Variants in CHD7 observed in about 807,000 individuals in gnomAD.
CHD7 encodes the protein ATP-dependent chromatin remodeler CHD7.
In CHD7, 24 loss-of-function variants were observed where a neutral mutation model predicts 307.3. The observed-to-expected ratio is 0.08, with a 90% confidence interval of 0.06 to 0.11. The LOEUF (loss-of-function observed/expected upper bound fraction) is 0.11. Ranked by LOEUF, CHD7 falls within the 10% of genes least tolerant of loss-of-function variation. The pLI, the probability that CHD7 is intolerant of heterozygous loss-of-function variation, is 1.00. For synonymous variants in CHD7, 1,363 were observed against 1,349.9 expected (o/e 1.01, Z -0.21); for missense variants, 3,106 against 3,727.1 (o/e 0.83, Z 4.34).
chr8:60,701,573 T>C (rs1276841122), intron 1 of CHD7, among the ~76,000 whole-genome samples: 1 of 152,248 alleles, frequency 6.6e-6, no homozygotes, highest in Non-Finnish European at 1.5e-5. Flanking sequence ...ATCATAGTTC[T>C]TTCTTTTATG....
At chr8:60,737,234 A>G (rs937618613) in intron 1 of CHD7, among the ~76,000 whole-genome samples, 1 of 152,180 alleles carries the variant, frequency 6.6e-6, no homozygotes, top group African/African-American at 2.4e-5. Flanking sequence ...TAAAAGTTAT[A>G]TATAGTATGA....
Position 60,865,310 on chromosome 8 carries a change from A to T in CHD7, c.8371A>T (p.Asn2791Tyr), listed in dbSNP as rs1448865643. 6.2e-7 allele frequency: 1 copy of T among 1,611,764 alleles called. No individual in the cohort carries two copies. The highest frequency in any genetic ancestry group is 8.5e-7 in the Non-Finnish European group (1 of 1,179,144). ...TAATAGGDAK[N>Y]PAAVLPLMLP... ...TGCCACCGCCGGAGGCGATGCGAAG[A>T]ACCCTGCTGCTGTGCTGCCCCTGAT... Residue 2791 changes from asparagine (N) to tyrosine (Y), a missense_variant, in exon 38 of 38, where the codon AAC (asparagine) becomes TAC (tyrosine). By Grantham distance (143) the Asn-to-Tyr change is moderately radical. Coordinates refer to ENST00000423902, the MANE Select transcript of CHD7 (RefSeq NM_017780.4). This position sits in a 1 kb window ranked among gnomAD's most constrained non-coding sequence, Gnocchi z 4.3.
At chr8:60,855,585 C>T (rs962778473) in intron 32 of CHD7, among the ~76,000 whole-genome samples, 5 of 152,222 alleles carry the variant, frequency 3.3e-5, no homozygotes, top group Non-Finnish European at 7.3e-5. Flanking sequence ...CGGCAAGAAG[C>T]TAATGCAGGG....
At chr8:60,713,926 T>A (rs1045383647) in intron 1 of CHD7, among the ~76,000 whole-genome samples, 4 of 152,088 alleles carry the variant, frequency 2.6e-5, no homozygotes, top group African/African-American at 9.7e-5. Context: ...CTCCTCCCGC[T>A]CCCACTCCCA....
At chr8:60,830,670 G>A in intron 15 of CHD7, 93 bp downstream of exon 15, 1 of 1,380,594 alleles carries the variant, frequency 7.2e-7, no homozygotes, top group Non-Finnish European at 9.9e-7. Flanking sequence ...ATGGTGTATA[G>A]TCATTCCTGT....
chr8:60,764,165 A>G (rs1210774082), intron 2 of CHD7, among the ~76,000 whole-genome samples: 2 of 151,700 alleles, frequency 1.3e-5, no homozygotes, highest in Non-Finnish European at 2.9e-5. Context: ...TTTTTTTTGT[A>G]TTTTTAGTAG....
intron 3 of CHD7, among the ~76,000 whole-genome samples, chr8:60,784,648 A>G (rs1403736230): frequency 1.3e-5 from 2 of 152,150 alleles, no homozygotes; most frequent in African/African-American, 4.8e-5. Flanking sequence ...CTGGCACCCC[A>G]TCTTGTTCTG....
At chr8:60,689,740 C>T (rs1563517171) in intron 1 of CHD7, among the ~76,000 whole-genome samples, 1 of 152,316 alleles carries the variant, frequency 6.6e-6, no homozygotes. Context: ...TGTATCTTAT[C>T]AATGGCAGAC....
intron 23 of CHD7, 150 bp downstream of exon 23, chr8:60,845,559 T>C: frequency 1.2e-6 from 1 of 816,838 alleles, no homozygotes; most frequent in Non-Finnish European, 1.9e-6. Context: ...TCTTGGTGTC[T>C]GAGGGGGGTC....
At chr8:60,794,448 A>G (rs1378627330) in intron 3 of CHD7, among the ~76,000 whole-genome samples, 1 of 152,254 alleles carries the variant, frequency 6.6e-6, no homozygotes, top group Non-Finnish European at 1.5e-5. Context: ...CACAGTACCT[A>G]CTAAAATTAT....
intron 13 of CHD7, chr8:60,824,753 T>C (rs1804190692): frequency 6.6e-6 from 1 of 152,202 alleles, no homozygotes; most frequent in South Asian, 2.1e-4. Flanking sequence ...TCCCATAGTC[T>C]TCCAGCTTCC....
intron 2 of CHD7, among the ~76,000 whole-genome samples, chr8:60,748,469 C>T (rs1809445226): frequency 6.6e-6 from 1 of 152,110 alleles, no homozygotes; most frequent in South Asian, 2.1e-4. Context: ...GACACAGCAC[C>T]ATGGGGCTCT....
intron 31 of CHD7, among the ~76,000 whole-genome samples, chr8:60,854,030 C>A (rs1338740682): frequency 6.6e-6 from 1 of 152,198 alleles, no homozygotes; most frequent in South Asian, 2.1e-4. Context: ...GACAGAAGGT[C>A]AGCCCTTTTT....
intron 31 of CHD7, 141 bp downstream of exon 31, chr8:60,853,641 T>C (rs1032330237): frequency 6.3e-6 from 4 of 639,032 alleles, no homozygotes; most frequent in African/African-American, 3.6e-5. Flanking sequence ...TTTCAAGTTA[T>C]GCTTATATCT....
intron 1 of CHD7, among the ~76,000 whole-genome samples, chr8:60,689,618 A>G (rs1335771353): frequency 2.0e-5 from 3 of 152,232 alleles, no homozygotes; most frequent in Non-Finnish European, 4.4e-5. Flanking sequence ...AACAACAAAC[A>G]TCATGATCTT....
chr8:60,851,133 A>G (rs781079931), intron 27 of CHD7, 29 bp downstream of exon 27: 5 of 1,522,454 alleles, frequency 3.3e-6, no homozygotes, highest in Non-Finnish European at 4.5e-6. Context: ...TGGCTTTTAT[A>G]GCTCCATTAA....
chr8:60,690,808 G>T (rs1806156857), intron 1 of CHD7, among the ~76,000 whole-genome samples: 1 of 152,170 alleles, frequency 6.6e-6, no homozygotes, highest in South Asian at 2.1e-4. Flanking sequence ...TTGGGCTATG[G>T]GAGTGGCACA....
At chr8:60,789,779 A>C (rs1811679854) in intron 3 of CHD7, among the ~76,000 whole-genome samples, 1 of 152,268 alleles carries the variant, frequency 6.6e-6, no homozygotes, top group African/African-American at 2.4e-5. Context: ...TTCAGGTAAT[A>C]GCACTAGGCC....
rs777077543 is a variant in CHD7 at position 60,845,096 on chromosome 8, G to T, written c.5050+33G>T. ...TCCACCATGCTGTTTGTGCTACAGGGTCACAAAGCCACCAGGAACTTTTGT... is the reference window on the plus strand; with the variant it reads ...TCCACCATGCTGTTTGTGCTACAGGTTCACAAAGCCACCAGGAACTTTTGT... On this transcript the variant is annotated intron_variant, in intron 22 of 37. Coordinates refer to ENST00000423902, the MANE Select transcript of CHD7 (RefSeq NM_017780.4). 4.4e-6 allele frequency: 7 copies of T among 1,607,220 alleles called. No homozygotes were observed. The Middle Eastern group carries it at 6.7e-4, about 153-fold the overall frequency.
Sources: gnomAD v4.1 joint callset for allele counts (sites outside exome capture counted in the v4.1 genomes callset) on GRCh38, gnomAD v4.1.1 for gene constraint, Gnocchi (gnomAD v3.1) non-coding constraint, MANE v1.5 for transcripts, NCBI Gene and HGNC (gene_info 2026-07-23, HGNC 2026-07-21) for gene names.